The following IPMK variants were observed in gnomAD, a reference collection of about 807,000 sequenced individuals.
IPMK encodes inositol 1,3,4,6-tetrakisphosphate 5-kinase.
A neutral mutation model predicts 45.8 loss-of-function variants in IPMK; 17 were observed. That is an observed-to-expected ratio of 0.37 (90% CI 0.25 to 0.56). The LOEUF is 0.56. Ranked by LOEUF, IPMK falls within the 20% of genes least tolerant of loss-of-function variation. The pLI is 0.79. For missense variants in IPMK, 399 were observed against 498.0 expected (o/e 0.80, Z 1.89); for synonymous variants, 180 against 184.3 (o/e 0.98, Z 0.19).
chr10:58,216,453 TAACTC>T (rs1402248815), intron 3 of IPMK, 136 bp from the exon 4 acceptor site: 2 of 430,406 alleles, frequency 4.6e-6, no homozygotes, highest in Non-Finnish European at 8.0e-6. Flanking sequence ...TAATTATTCT[TAACTC>T]TACCTAAAAA....
At chr10:58,206,500 A>C (rs897131809) in intron 4 of IPMK, among the ~76,000 whole-genome samples, 2 of 152,234 alleles carry the variant, frequency 1.3e-5, no homozygotes, top group Admixed American at 1.3e-4. Flanking sequence ...AAACCTCTTT[A>C]AGAAATAAAC....
At chr10:58,244,311 AG>A (rs144236113) in intron 1 of IPMK, among the ~76,000 whole-genome samples, 130,834 of 132,784 alleles carry the variant, frequency 0.99, 64,450 homozygotes, top group East Asian at 0.99. Flanking sequence ...GCCTCTGCCC[AG>A]GCCGCCCCGT....
At chr10:58,202,042 A>G (rs72795645) in intron 4 of IPMK, among the ~76,000 whole-genome samples, 10,147 of 152,276 alleles carry the variant, frequency 0.067, 413 homozygotes, top group Non-Finnish European at 0.089. Context: ...TGGTTCATAG[A>G]CCCTAGCAGA....
intron 3 of IPMK, among the ~76,000 whole-genome samples, chr10:58,222,352 A>T (rs1838349120): frequency 6.6e-6 from 1 of 152,224 alleles, no homozygotes; most frequent in Non-Finnish European, 1.5e-5. Context: ...ATTAGAATAG[A>T]GCTTAATTTT....
chr10:58,195,959 G>C lies in IPMK; in HGVS notation c.*117C>G. On this transcript the variant is annotated 3_prime_UTR_variant, in exon 6 of 6. Transcript: ENST00000373935. Reference sequence around the variant, plus strand: ...TTAACCATTCTTCCAAAAGTATAAAGACAAATAAAATGTCGACTCATAATA... The same window carrying C: ...TTAACCATTCTTCCAAAAGTATAAACACAAATAAAATGTCGACTCATAATA... The C allele has an allele frequency of 2.1e-6, 2 of 960,204 alleles. No individual in the cohort carries two copies. Among genetic ancestry groups the C allele is most frequent in the Non-Finnish European group, 3.1e-6 (2 of 638,658 alleles). 59.5% of individuals were successfully genotyped at this position (960,204 alleles called of 1,614,324 possible). A position where few individuals can be genotyped will look rare whatever the true frequency, so the allele number is the denominator to read the frequency against.
chr10:58,204,565 G>A (rs2440854), intron 4 of IPMK, among the ~76,000 whole-genome samples: 74,366 of 152,010 alleles, frequency 0.49, 20,946 homozygotes, highest in African/African-American at 0.78. Context: ...AGGCCAAGGC[G>A]GGAGGATCAT....
intron 4 of IPMK, among the ~76,000 whole-genome samples, chr10:58,206,348 G>A (rs775252961): frequency 1.3e-4 from 20 of 152,180 alleles, no homozygotes; most frequent in Non-Finnish European, 2.5e-4. Context: ...AGTTTTTGCA[G>A]AAGTGGTAAA....
At chr10:58,217,632 G>A (rs995944986) in intron 3 of IPMK, among the ~76,000 whole-genome samples, 1 of 138,174 alleles carries the variant, frequency 7.2e-6, no homozygotes, top group Non-Finnish European at 1.5e-5. Flanking sequence ...AGGTTGTGGT[G>A]AGCCGAGATC....
intron 2 of IPMK, among the ~76,000 whole-genome samples, chr10:58,235,966 C>G (rs1838606322): frequency 6.6e-6 from 1 of 151,354 alleles, no homozygotes; most frequent in African/African-American, 2.4e-5. Flanking sequence ...CTCACCCTGT[C>G]CCCCCATGCT....
intron 4 of IPMK, 111 bp downstream of exon 4, chr10:58,216,034 A>G: frequency 2.5e-6 from 2 of 812,248 alleles, no homozygotes; most frequent in Non-Finnish European, 1.8e-6. Context: ...AGACAACTCA[A>G]TTCCAAAATA....
chr10:58,197,326 A>AATAAATAAATAAATAAATAC (rs764500371), intron 5 of IPMK, among the ~76,000 whole-genome samples: 9 of 146,424 alleles, frequency 6.1e-5, no homozygotes, highest in African/African-American at 1.1e-4. Context: ...TAAATAAATA[A>AATAAATAAATAAATAAATAC]ATACATAAAT....
At chr10:58,253,797 A>G (rs886797341) in intron 1 of IPMK, among the ~76,000 whole-genome samples, 8 of 151,786 alleles carry the variant, frequency 5.3e-5, no homozygotes, top group African/African-American at 1.9e-4. Context: ...TGGGTACAAT[A>G]GTCTTGGAGG....
intron 1 of IPMK, among the ~76,000 whole-genome samples, chr10:58,248,593 C>T (rs1838837364): frequency 6.6e-6 from 1 of 152,102 alleles, no homozygotes; most frequent in East Asian, 1.9e-4. Context: ...TTGAAATATA[C>T]ATTTTTGTGA....
intron 4 of IPMK, among the ~76,000 whole-genome samples, chr10:58,200,687 A>C (rs961489392): frequency 6.6e-6 from 1 of 152,228 alleles, no homozygotes; most frequent in African/African-American, 2.4e-5. Context: ...TTGTATTCAT[A>C]CCTGATATCT....
At chr10:58,226,347 G>C (rs1332350772) in intron 3 of IPMK, among the ~76,000 whole-genome samples, 1 of 152,086 alleles carries the variant, frequency 6.6e-6, no homozygotes, top group Non-Finnish European at 1.5e-5. Flanking sequence ...CTCCAACATA[G>C]ACCTGTATAA....
chr10:58,251,219 T>C (rs1016040983), intron 1 of IPMK, among the ~76,000 whole-genome samples: 1 of 152,206 alleles, frequency 6.6e-6, no homozygotes, highest in Non-Finnish European at 1.5e-5. Flanking sequence ...GAAGGAATTT[T>C]ATAATTTATT....
At chr10:58,257,476 C>T (rs538344663) in intron 1 of IPMK, among the ~76,000 whole-genome samples, 35 of 151,834 alleles carry the variant, frequency 2.3e-4, no homozygotes, top group South Asian at 6.3e-4. Context: ...GCCTGGGCAA[C>T]GGAGCAAGAC....
At chr10:58,242,190 T>C (rs1298901833) in intron 1 of IPMK, among the ~76,000 whole-genome samples, 3 of 152,120 alleles carry the variant, frequency 2.0e-5, no homozygotes, top group African/African-American at 7.2e-5. Context: ...ATAATTAATA[T>C]GTTAAAGCTG....
intron 3 of IPMK, among the ~76,000 whole-genome samples, chr10:58,217,358 A>T (rs1234974848): frequency 6.6e-6 from 1 of 151,916 alleles, no homozygotes; most frequent in Non-Finnish European, 1.5e-5. Context: ...CAAGGGAAAC[A>T]GTAAGGAAAG....
Sources: gnomAD v4.1 joint callset for allele counts (sites outside exome capture counted in the v4.1 genomes callset) on GRCh38, gnomAD v4.1.1 for gene constraint, MANE v1.5 for transcripts, NCBI Gene and HGNC (gene_info 2026-07-23, HGNC 2026-07-21) for gene names.